Variants in RRP12 observed in about 807,000 individuals in gnomAD.
The protein encoded by RRP12 is RRP12-like protein.
Under a neutral mutation model 157.3 loss-of-function variants are expected in RRP12, and 78 were observed. The observed-to-expected ratio is 0.50, with a 90% CI of 0.41 to 0.60. RRP12 has a LOEUF of 0.60. Ranked by LOEUF, RRP12 falls within the 20% of genes least tolerant of loss-of-function variation. The pLI is 0.00. For synonymous variants in RRP12, 726 were observed against 670.9 expected, an observed-to-expected ratio of 1.08 and a Z score of -1.27; for missense variants, 1,521 against 1,679.9, an observed-to-expected ratio of 0.91 and a Z score of 1.65.
intron 12 of RRP12, 150 bp downstream of exon 12, chr10:97,381,236 C>T (rs924646937): frequency 1.4e-5 from 9 of 645,964 alleles, no homozygotes; most frequent in African/African-American, 5.5e-5. Flanking sequence ...GTAGCTGCTC[C>T]GGCAGATGTT....
At chr10:97,397,997 ATATATATACATATATATATATATATG>A (rs1403713656) in intron 2 of RRP12, among the ~76,000 whole-genome samples, 2 of 49,912 alleles carry the variant, frequency 4.0e-5, no homozygotes, top group Non-Finnish European at 3.7e-5. Context: ...AAATACGTAT[ATATATATACATATATATATATATATG>A]TATATATATA....
At chr10:97,393,826 G>C in intron 3 of RRP12, 66 bp from the exon 4 acceptor site, 1 of 1,312,102 alleles carries the variant, frequency 7.6e-7, no homozygotes, top group East Asian at 2.3e-5. Context: ...GAAAGAGAGT[G>C]GGGGAACATG....
intron 28 of RRP12, 94 bp from the exon 29 acceptor site, chr10:97,366,327 C>T (rs1369784095): frequency 1.1e-5 from 18 of 1,570,592 alleles, no homozygotes; most frequent in African/African-American, 8.1e-5. Flanking sequence ...GGATCCCAAA[C>T]GGGCGCCTCT....
In RRP12 at chr10:97,400,470, G is replaced by C. The variant is rs760206754; in HGVS notation, c.204C>G (p.Arg68=). Residue 68 remains arginine (R), a synonymous_variant, in exon 2 of 34, where the codon CGC becomes CGG. Coordinates refer to ENST00000370992, the MANE Select transcript of RRP12 (RefSeq NM_015179.4). ...LHNELQSGSL[R]LGKSEAPETP... ...TCTCCGGGGCTTCGCTTTTGCCCAA[G>C]CGCAAGGACCCTGACTGCAGCTCAT... The C allele has an allele frequency of 5.6e-6, 9 of 1,614,118 alleles. No individual in the cohort carries two copies. Among genetic ancestry groups the C allele is most frequent in the Non-Finnish European group, 7.6e-6 (9 of 1,180,014 alleles).
At chr10:97,399,370 A>C (rs1371883577) in intron 2 of RRP12, among the ~76,000 whole-genome samples, 1 of 152,176 alleles carries the variant, frequency 6.6e-6, no homozygotes, top group African/African-American at 2.4e-5. Context: ...GCTTGAATTT[A>C]GATTACTATT....
In RRP12 at chr10:97,366,498, A is replaced by G. The variant is rs1373238720; in HGVS notation, c.3339T>C (p.Gly1113=). 2.5e-6 allele frequency: 4 copies of G among 1,613,772 alleles called. No homozygotes were observed. The highest frequency in any genetic ancestry group is 8.5e-7 in the Non-Finnish European group (1 of 1,179,948). The change falls in exon 28 of 34, where the codon GGT becomes GGC. Residue 1113 remains glycine (G), a synonymous_variant. Transcript: ENST00000370992. The part of the protein sequence containing the change: ...QRSRAWLKEG[G]GDEPLNFLDP... ...CCAGGAAGTTGAGGGGCTCGTCCCC[A>G]CCGCCCTCTTTCAGCCATGCCCGGC...
intron 19 of RRP12, 32 bp from the exon 20 acceptor site, chr10:97,372,198 G>A (rs1009121690): frequency 2.5e-6 from 4 of 1,577,156 alleles, no homozygotes; most frequent in Admixed American, 3.4e-5. Flanking sequence ...GGAGAGGGAT[G>A]GGGAGCTGGA....
At position 97,358,545 on chromosome 10, in the gene RRP12, G is replaced by C. The variant is rs2134992564; in HGVS notation, c.3783C>G (p.Leu1261=). 1 of 1,613,628 alleles carries C rather than the reference G, an allele frequency of 6.2e-7. No individual in the cohort carries two copies. Among genetic ancestry groups the C allele is most frequent in the East Asian group, 2.2e-5 (1 of 44,874 alleles). ...YAYIPLNRSK[L]NRRKKMKLQG... is the part of the protein sequence containing the mutation. ...CTGGCACAGCGTCATACCTGCGGTT[G>C]AGCTTGCTTCTGTTGAGGGGGATGT... The change falls in exon 33 of 34, where the codon CTC becomes CTG. Residue 1261 remains leucine (L), a synonymous_variant. Coordinates refer to ENST00000370992, the MANE Select transcript of RRP12 (RefSeq NM_015179.4).
intron 25 of RRP12, among the ~76,000 whole-genome samples, chr10:97,368,169 T>C (rs1402705798): frequency 6.6e-6 from 1 of 151,250 alleles, no homozygotes; most frequent in African/African-American, 2.4e-5. Flanking sequence ...CAGCTGGGAC[T>C]ACAGGCGCGC....
Position 97,379,771 on chromosome 10 carries a change from C to T in RRP12, c.1534-1G>A, listed in dbSNP as rs1465529883. The T allele has an allele frequency of 2.5e-6, 4 of 1,604,254 alleles. No homozygotes were observed. Among genetic ancestry groups the T allele is most frequent in the Non-Finnish European group, 3.4e-6 (4 of 1,175,560 alleles). On this transcript the variant is annotated splice_acceptor_variant, in intron 13 of 33. Coordinates refer to ENST00000370992, the MANE Select transcript of RRP12 (RefSeq NM_015179.4). LOFTEE classifies it high-confidence loss of function. The stretch of plus-strand genomic sequence containing the variant: ...GCAGGTCACACAGGGACTGGAGGCA[C>T]TGCAGCAGAGATGAGTGACCACACA...
At position 97,370,580 on chromosome 10, in the gene RRP12, C is replaced by T. The variant is rs1377497285; in HGVS notation, c.2584-20G>A. 1 of 1,603,550 alleles carries T rather than the reference C, an allele frequency of 6.2e-7. No individual in the cohort carries two copies. Among genetic ancestry groups the T allele is most frequent in the Non-Finnish European group, 8.5e-7 (1 of 1,172,206 alleles). ...GATCACCTGGCCAAGACAACTCCATCAGCATCTGCTCCCTGAGCCATCTGC... is the reference window on the plus strand; with the variant it reads ...GATCACCTGGCCAAGACAACTCCATTAGCATCTGCTCCCTGAGCCATCTGC... On this transcript the variant is annotated intron_variant, in intron 22 of 33. Coordinates refer to ENST00000370992, the MANE Select transcript of RRP12 (RefSeq NM_015179.4).
chr10:97,383,760 T>G (rs1589430931), intron 10 of RRP12, among the ~76,000 whole-genome samples: 1 of 151,538 alleles, frequency 6.6e-6, no homozygotes, highest in Admixed American at 6.6e-5. Context: ...CAGGCGAGAG[T>G]GGAGTGGAGC....
intron 3 of RRP12, among the ~76,000 whole-genome samples, chr10:97,395,099 C>A (rs1227751380): frequency 2.0e-5 from 3 of 151,720 alleles, no homozygotes; most frequent in Non-Finnish European, 2.9e-5. Context: ...GCCATGATCA[C>A]ACCACTGCAC....
rs768421591 is a variant in RRP12 at position 97,390,465 on chromosome 10, C to T, written c.711G>A (p.Val237=). ...EAWGYPVTLQ[V]YHGLLSFTVH... ...CCGTGAAGCTCAGCAGCCCATGGTA[C>T]ACCTGAAGGGTCACGGGGTAGCCCC... The change falls in exon 6 of 34, where the codon GTG becomes GTA. Residue 237 remains valine, a synonymous_variant. Transcript: ENST00000370992. The T allele has an allele frequency of 2.7e-5, 44 of 1,614,028 alleles. No homozygotes were observed. Among genetic ancestry groups the T allele is most frequent in the Non-Finnish European group, 3.4e-5 (40 of 1,180,028 alleles).
chr10:97,373,664 G>A lies in RRP12; in HGVS notation c.1937C>T (p.Thr646Met), dbSNP rs776080417. The change falls in exon 17 of 34, where the codon ACG (threonine) becomes ATG (methionine). Residue 646 changes from threonine (T) to methionine (M), a missense_variant. By Grantham distance (81) the Thr-to-Met change is moderately conservative. Coordinates refer to ENST00000370992, the MANE Select transcript of RRP12 (RefSeq NM_015179.4). ...ACGCTCGCTGATGGCCATGCCCAGC[G>A]TCCGTGCCAGCCCTTTGAAGGAGAT... ...VAISFKGLARTLGMAISERPD... is the reference protein window; with the variant it reads ...VAISFKGLARMLGMAISERPD... 1.2e-5 allele frequency: 20 copies of A among 1,613,816 alleles called. No homozygotes were observed. The highest frequency in any genetic ancestry group is 6.6e-5 in the South Asian group (6 of 91,078).
chr10:97,370,864 C>T, intron 21 of RRP12, 59 bp downstream of exon 21: 4 of 1,610,644 alleles, frequency 2.5e-6, no homozygotes, highest in Non-Finnish European at 3.4e-6. Flanking sequence ...TCAACAGTGG[C>T]TCCTTTCCTG....
At position 97,401,164 on chromosome 10, in the gene RRP12, C is replaced by CTGTG; in HGVS notation, c.64_67dup (p.Ser23ThrfsTer29). 1 of 1,614,160 alleles carries CTGTG rather than the reference C, an allele frequency of 6.2e-7. No homozygotes were observed. Among genetic ancestry groups the CTGTG allele is most frequent in the East Asian group, 2.2e-5 (1 of 44,878 alleles). On this transcript the variant is annotated frameshift_variant, in exon 1 of 34. Transcript: ENST00000370992. LOFTEE classifies it high-confidence loss of function. Reference sequence around the variant, plus strand: ...GCAGATGGCGGGGTTGCTGTCGCTGCTGTGGCCTTTCTTCCAGCGCTTCAA... The same window carrying CTGTG: ...GCAGATGGCGGGGTTGCTGTCGCTGCTGTGTGTGGCCTTTCTTCCAGCGCTTCAA...
intron 2 of RRP12, among the ~76,000 whole-genome samples, chr10:97,398,023 G>GTA (rs200241210): frequency 0.35 from 20,309 of 57,234 alleles, 4,943 homozygotes; most frequent in East Asian, 0.47. Flanking sequence ...ATATATATAT[G>GTA]TATATATATA....
At position 97,388,560 on chromosome 10, in the gene RRP12, T is replaced by C. The variant is rs768923079; in HGVS notation, c.818A>G (p.Lys273Arg). 98 of 1,614,010 alleles carry C rather than the reference T, an allele frequency of 6.1e-5. No individual in the cohort carries two copies. The highest frequency in any genetic ancestry group is 8.2e-5 in the Non-Finnish European group (97 of 1,179,994). ...GGCAGCAGGATGATGGGCAGGGGCC[T>C]TTTCAAACATGAATTCACTGCCCTT... is the stretch of plus-strand genomic sequence containing the variant. ...VLKGSEFMFE[K>R]APAHHPAAIS... is the part of the protein sequence containing the mutation. Residue 273 changes from lysine (K) to arginine (R), a missense_variant, in exon 7 of 34, where the codon AAG (lysine) becomes AGG (arginine). Coordinates refer to ENST00000370992, the MANE Select transcript of RRP12 (RefSeq NM_015179.4).
Sources: gnomAD v4.1 joint callset for allele counts (sites outside exome capture counted in the v4.1 genomes callset) on GRCh38, gnomAD v4.1.1 for gene constraint, MANE v1.5 for transcripts, NCBI Gene and HGNC (gene_info 2026-07-23, HGNC 2026-07-21) for gene names.